ABI1: variants seen among roughly 807,000 people sequenced by gnomAD.
ABI1 encodes the protein Abelson interactor 1.
In ABI1, 14 loss-of-function variants were observed where a neutral mutation model predicts 54.6. That is an observed-to-expected ratio of 0.26 (90% confidence interval 0.17 to 0.40). The LOEUF is 0.40. ABI1 is among the 10% of genes least tolerant of loss of function. The pLI, the probability that ABI1 is intolerant of heterozygous loss-of-function variation, is 1.00. For missense variants in ABI1, 443 were observed against 598.3 expected, an observed-to-expected ratio of 0.74 and a Z score of 2.71; for synonymous variants, 194 against 209.3, an observed-to-expected ratio of 0.93 and a Z score of 0.63.
At chr10:26,818,158 C>CAAAAA (rs397696005) in intron 2 of ABI1, among the ~76,000 whole-genome samples, 2 of 45,442 alleles carry the variant, frequency 4.4e-5, no homozygotes, top group Non-Finnish European at 4.2e-5. Context: ...GACTCCATCT[C>CAAAAA]AAAAAAAAAA....
At chr10:26,836,296 A>C (rs1263878089) in intron 1 of ABI1, among the ~76,000 whole-genome samples, 1 of 151,770 alleles carries the variant, frequency 6.6e-6, no homozygotes, top group Non-Finnish European at 1.5e-5. Context: ...TATTTTTAGT[A>C]GAGACAGGGT....
At chr10:26,754,772 A>C (rs1369074652) in intron 9 of ABI1, among the ~76,000 whole-genome samples, 1 of 152,210 alleles carries the variant, frequency 6.6e-6, no homozygotes, top group East Asian at 1.9e-4. Flanking sequence ...CATTACCATC[A>C]ACAGCTTTTC....
chr10:26,854,693 G>A (rs938245029), intron 1 of ABI1, among the ~76,000 whole-genome samples: 2 of 152,162 alleles, frequency 1.3e-5, no homozygotes, highest in African/African-American at 4.8e-5. Flanking sequence ...ACACTTCAAA[G>A]TGCAATTCTA....
chr10:26,814,168 T>G (rs2047413084), intron 2 of ABI1, among the ~76,000 whole-genome samples: 5 of 152,228 alleles, frequency 3.3e-5, no homozygotes, highest in Admixed American at 3.3e-4. Flanking sequence ...ATGGGGCAAT[T>G]CATCCAATTC....
At chr10:26,771,566 A>G (rs1840695074) in intron 3 of ABI1, among the ~76,000 whole-genome samples, 1 of 152,218 alleles carries the variant, frequency 6.6e-6, no homozygotes, top group African/African-American at 2.4e-5. Flanking sequence ...ATAAACTGCA[A>G]ACATTAAAAT....
chr10:26,826,903 T>C (rs1162995798), intron 1 of ABI1, among the ~76,000 whole-genome samples: 7 of 148,086 alleles, frequency 4.7e-5, no homozygotes, highest in African/African-American at 1.8e-4. Context: ...ATATTGTGGC[T>C]AGTTTGATTT....
At chr10:26,803,658 A>G (rs2133408527) in intron 2 of ABI1, among the ~76,000 whole-genome samples, 1 of 152,308 alleles carries the variant, frequency 6.6e-6, no homozygotes, top group East Asian at 1.9e-4. Flanking sequence ...TGATAATTGA[A>G]ATTTTACACT....
chr10:26,771,180 C>G, intron 3 of ABI1, 91 bp from the exon 4 acceptor site: 1 of 1,374,990 alleles, frequency 7.3e-7, no homozygotes, highest in Non-Finnish European at 1.0e-6. Context: ...TACAGTTACT[C>G]AATTCATGTT....
At chr10:26,816,973 T>A (rs913215002) in intron 2 of ABI1, among the ~76,000 whole-genome samples, 8 of 142,130 alleles carry the variant, frequency 5.6e-5, no homozygotes, top group African/African-American at 2.1e-4. Flanking sequence ...TCCTAAGTAA[T>A]TTTGCAAAGA....
intron 1 of ABI1, among the ~76,000 whole-genome samples, chr10:26,841,000 C>G (rs1270633653): frequency 6.6e-6 from 1 of 152,196 alleles, no homozygotes; most frequent in African/African-American, 2.4e-5. Flanking sequence ...CTGCTCAGGC[C>G]AAATACTTCT....
chr10:26,830,696 C>G (rs1246840151), intron 1 of ABI1, among the ~76,000 whole-genome samples: 1 of 151,824 alleles, frequency 6.6e-6, no homozygotes, highest in Non-Finnish European at 1.5e-5. Flanking sequence ...TTGGCATTCT[C>G]ACTAGAAACT....
chr10:26,819,925 C>T (rs976729977), intron 2 of ABI1, among the ~76,000 whole-genome samples: 51 of 152,036 alleles, frequency 3.4e-4, no homozygotes, highest in African/African-American at 1.2e-3. Flanking sequence ...ATAAGCTAGG[C>T]GCAGACAGAC....
At chr10:26,817,080 A>G (rs1225338137) in intron 2 of ABI1, among the ~76,000 whole-genome samples, 3 of 151,312 alleles carry the variant, frequency 2.0e-5, no homozygotes, top group Non-Finnish European at 4.4e-5. Context: ...GCTCACTGCA[A>G]CTTCTGCCTC....
chr10:26,821,723 C>T (rs2047995751), intron 2 of ABI1, among the ~76,000 whole-genome samples: 1 of 150,390 alleles, frequency 6.6e-6, no homozygotes, highest in Non-Finnish European at 1.5e-5. Context: ...TGCTTGGACC[C>T]AGGAGGCGAA....
At chr10:26,859,941 A>G (rs927393009) in intron 1 of ABI1, among the ~76,000 whole-genome samples, 7 of 152,116 alleles carry the variant, frequency 4.6e-5, no homozygotes, top group Non-Finnish European at 8.8e-5. Context: ...AGCAGCCCTA[A>G]CAACCTCTTA....
Position 26,860,779 on chromosome 10 carries a change from C to G in ABI1, c.85G>C (p.Val29Leu). 6.2e-7 allele frequency: 1 copy of G among 1,614,140 alleles called. No homozygotes were observed. The highest frequency in any genetic ancestry group is 8.5e-7 in the Non-Finnish European group (1 of 1,180,018). Residue 29 changes from valine to leucine, a missense_variant, in exon 1 of 11, where the codon GTG becomes CTG. By Grantham distance (32) the Val-to-Leu change is conservative. This residue lies in a region of ABI1 where 394 missense variants were observed against 484.8 expected (regional missense o/e 0.81). Coordinates refer to ENST00000376140, the MANE Select transcript of ABI1 (RefSeq NM_001012750.3). The surrounding 1 kb of genome is among the most constrained non-coding windows in gnomAD (Gnocchi z 4.1). ...LIESYQNLTR[V>L]ADYCENNYIQ... ...TAGTTGTTTTCACAGTAGTCTGCCA[C>G]CCGAGTCAGGTTCTGGTAACTCTCG...
At chr10:26,840,593 G>A (rs2049425963) in intron 1 of ABI1, among the ~76,000 whole-genome samples, 1 of 152,020 alleles carries the variant, frequency 6.6e-6, no homozygotes, top group South Asian at 2.1e-4. Context: ...CAAATTACGT[G>A]TATCCTAATT....
intron 5 of ABI1, among the ~76,000 whole-genome samples, chr10:26,769,328 G>C (rs1840364008): frequency 6.6e-6 from 1 of 152,032 alleles, no homozygotes; most frequent in African/African-American, 2.4e-5. Flanking sequence ...TCACCCATAA[G>C]CCACTGTTCT....
intron 1 of ABI1, among the ~76,000 whole-genome samples, chr10:26,838,856 C>T (rs1285751971): frequency 1.3e-5 from 2 of 152,274 alleles, no homozygotes; most frequent in Middle Eastern, 3.4e-3. Flanking sequence ...AGAATAGAAC[C>T]GCTACGTCTC....
Sources: gnomAD v4.1 joint callset for allele counts (sites outside exome capture counted in the v4.1 genomes callset) on GRCh38, gnomAD v4.1.1 for gene constraint, gnomAD v4.1.1 regional missense constraint, Gnocchi (gnomAD v3.1) non-coding constraint, MANE v1.5 for transcripts, NCBI Gene and HGNC (gene_info 2026-07-23, HGNC 2026-07-21) for gene names.